The following ZSWIM2 variants were observed in gnomAD, a reference collection of about 807,000 sequenced individuals.
ZSWIM2 encodes the protein zinc finger SWIM-type containing 2, also known as E3 ubiquitin-protein ligase ZSWIM2.
ZSWIM2 carries 38 observed loss-of-function variants against 48.4 expected under a neutral mutation model. The observed-to-expected ratio is 0.79, with a 90% CI of 0.61 to 1.03. The LOEUF (loss-of-function observed/expected upper bound fraction) is 1.03. Ranked by LOEUF, ZSWIM2 falls within the 50% of genes least tolerant of loss-of-function variation. ZSWIM2 has a pLI of 0.00. For synonymous variants in ZSWIM2, 240 were observed against 251.3 expected (o/e 0.96, Z 0.42); for missense variants, 776 against 730.2 (o/e 1.06, Z -0.72).
Position 186,839,041 on chromosome 2 carries a change from G to A in ZSWIM2, c.412C>T (p.Gln138Ter). 1.2e-6 allele frequency: 2 copies of A among 1,611,624 alleles called. No homozygotes were observed. The highest frequency in any genetic ancestry group is 1.7e-6 in the Non-Finnish European group (2 of 1,178,310). ...EHVEEDGYIK[Q>*]KEIDSEDICS... ...ATATCCTCTGAATCAATTTCCTTCT[G>A]TTTAATGTACCCATCTTCTTCAACA... The change falls in exon 4 of 9, where the codon CAG (glutamine) becomes TAG (stop). Residue 138 changes from glutamine to a stop codon, truncating the protein, a stop_gained. Coordinates refer to ENST00000295131, the MANE Select transcript of ZSWIM2 (RefSeq NM_182521.3). LOFTEE classifies it high-confidence loss of function.
At chr2:186,844,571 A>T in intron 3 of ZSWIM2, 146 bp downstream of exon 3, 1 of 752,634 alleles carries the variant, frequency 1.3e-6, no homozygotes, top group Non-Finnish European at 2.0e-6. Context: ...TCTTAAGTTT[A>T]AGAAGCTGAG....
At chr2:186,828,861 C>A in intron 8 of ZSWIM2, 71 bp from the exon 9 acceptor site, 1 of 910,870 alleles carries the variant, frequency 1.1e-6, no homozygotes, top group South Asian at 4.7e-5. Flanking sequence ...TAAATTTCCC[C>A]CAGTTTCATA....
chr2:186,848,992 C>T lies in ZSWIM2; in HGVS notation c.139G>A (p.Glu47Lys), dbSNP rs1422325092. 5 of 1,613,998 alleles carry T rather than the reference C, an allele frequency of 3.1e-6. No individual in the cohort carries two copies. Among genetic ancestry groups the T allele is most frequent in the Non-Finnish European group, 4.2e-6 (5 of 1,180,014 alleles). Reference sequence around the variant, plus strand: ...CGGAAATCCATGTATTCCGGCTCCTCCTCCCTCAGCAGGAAGCCAGTGGGG... The same window carrying T: ...CGGAAATCCATGTATTCCGGCTCCTTCTCCCTCAGCAGGAAGCCAGTGGGG... ...MGPTGFLLRE[E>K]EPEYMDFRVF... Residue 47 changes from glutamate (E) to lysine (K), a missense_variant, in exon 1 of 9, where the codon GAG becomes AAG. By Grantham distance (56) the Glu-to-Lys change is moderately conservative (BLOSUM62 1). Coordinates refer to ENST00000295131, the MANE Select transcript of ZSWIM2 (RefSeq NM_182521.3).
At chr2:186,834,165 A>G (rs916971164) in intron 5 of ZSWIM2, 135 bp from the exon 6 acceptor site, 1 of 623,550 alleles carries the variant, frequency 1.6e-6, no homozygotes, top group South Asian at 2.0e-5. Context: ...CACACTGTGT[A>G]TTAGTTTCCT....
rs1559110371 is a variant in ZSWIM2 at position 186,827,953 on chromosome 2, ACATT to A, written c.*27_*30del. 4.7e-6 allele frequency: 7 copies of A among 1,474,216 alleles called. No individual in the cohort carries two copies. The highest frequency in any genetic ancestry group is 6.4e-6 in the Non-Finnish European group (7 of 1,102,076). 91.3% of individuals were successfully genotyped at this position (1,474,216 alleles called of 1,614,324 possible). A position where few individuals can be genotyped will look rare whatever the true frequency, so the allele number is the denominator to read the frequency against. ...TATATAAAACATTTTTTTATATTCAACATTCAAATATTTTCAGATAGTAAACTTT... is the reference window on the plus strand; with the variant it reads ...TATATAAAACATTTTTTTATATTCAACAAATATTTTCAGATAGTAAACTTT... On this transcript the variant is annotated 3_prime_UTR_variant, in exon 9 of 9. Coordinates refer to ENST00000295131, the MANE Select transcript of ZSWIM2 (RefSeq NM_182521.3).
In ZSWIM2 at chr2:186,833,935, G is replaced by A; in HGVS notation, c.828+11C>T. On this transcript the variant is annotated intron_variant, in intron 6 of 8. Transcript: ENST00000295131. ...AGAAACACTGTATTAGATTCAAGATGGATACTGTACCTCACGAAATGTAAA... is the reference window on the plus strand; with the variant it reads ...AGAAACACTGTATTAGATTCAAGATAGATACTGTACCTCACGAAATGTAAA... 1 of 1,603,890 alleles carries A rather than the reference G, an allele frequency of 6.2e-7. No individual in the cohort carries two copies. Among genetic ancestry groups the A allele is most frequent in the Non-Finnish European group, 8.5e-7 (1 of 1,171,670 alleles).
Position 186,839,141 on chromosome 2 carries a change from T to G in ZSWIM2, c.312A>C (p.Arg104Ser). The change falls in exon 4 of 9, where the codon AGA becomes AGC. Residue 104 changes from arginine (R) to serine (S), a missense_variant. Coordinates refer to ENST00000295131, the MANE Select transcript of ZSWIM2 (RefSeq NM_182521.3). Reference sequence around the variant, plus strand: ...TCCCCCGAAGCAAGTCACTTATCTCTCTTTCTCCAAGACCCAGTTGTAAAG... The same window carrying G: ...TCCCCCGAAGCAAGTCACTTATCTCGCTTTCTCCAAGACCCAGTTGTAAAG... ...ESALQLGLGE[R>S]EISDLLRGIH... The G allele has an allele frequency of 6.2e-7, 1 of 1,611,530 alleles. No individual in the cohort carries two copies. Among genetic ancestry groups the G allele is most frequent in the Non-Finnish European group, 8.5e-7 (1 of 1,178,158 alleles).
At chr2:186,840,668 C>T (rs1447169993) in intron 3 of ZSWIM2, among the ~76,000 whole-genome samples, 2 of 151,198 alleles carry the variant, frequency 1.3e-5, no homozygotes, top group Non-Finnish European at 3.0e-5. Context: ...CACACTGGTG[C>T]TATTATATAA....
intron 4 of ZSWIM2, among the ~76,000 whole-genome samples, chr2:186,838,346 GTA>G (rs1691836249): frequency 6.8e-6 from 1 of 146,312 alleles, no homozygotes; most frequent in African/African-American, 2.5e-5. Flanking sequence ...GCATTAATGA[GTA>G]AAAAAAAAAA....
At chr2:186,834,937 C>T (rs6711860) in intron 5 of ZSWIM2, among the ~76,000 whole-genome samples, 23,428 of 152,018 alleles carry the variant, frequency 0.15, 2,372 homozygotes, top group African/African-American at 0.3. Flanking sequence ...AAGTTCTGGG[C>T]GTAAGGATGT....
chr2:186,846,441 A>G (rs1692003958), intron 2 of ZSWIM2, among the ~76,000 whole-genome samples: 1 of 152,116 alleles, frequency 6.6e-6, no homozygotes, highest in African/African-American at 2.4e-5. Context: ...ATATCATCTT[A>G]TACATGTCAT....
chr2:186,832,009 C>A (rs13404398), intron 7 of ZSWIM2, among the ~76,000 whole-genome samples: 27,721 of 151,966 alleles, frequency 0.18, 3,845 homozygotes, highest in African/African-American at 0.4. Context: ...ATGTACCCTA[C>A]AACTTAAAGT....
At chr2:186,839,377 AT>A (rs1462575481) in intron 3 of ZSWIM2, among the ~76,000 whole-genome samples, 2 of 151,588 alleles carry the variant, frequency 1.3e-5, no homozygotes, top group Non-Finnish European at 3.0e-5. Context: ...AAAAATTATT[AT>A]TTTTTCTTGT....
intron 2 of ZSWIM2, among the ~76,000 whole-genome samples, chr2:186,847,153 AC>A (rs1437455017): frequency 1.3e-5 from 2 of 152,026 alleles, no homozygotes; most frequent in African/African-American, 4.8e-5. Flanking sequence ...AGAAACCTGA[AC>A]TTTTTATAAA....
chr2:186,833,308 G>T, intron 6 of ZSWIM2, 76 bp from the exon 7 acceptor site: 1 of 673,822 alleles, frequency 1.5e-6, no homozygotes, highest in Non-Finnish European at 2.5e-6. Flanking sequence ...TTAGTTGGTT[G>T]CGTATCAATA....
At chr2:186,837,663 G>GCTAC (rs1691822559) in intron 4 of ZSWIM2, 109 bp from the exon 5 acceptor site, 1 of 378,444 alleles carries the variant, frequency 2.6e-6, no homozygotes, top group Non-Finnish European at 3.7e-6. Flanking sequence ...AATTTCCTGT[G>GCTAC]CTACCATCTT....
In ZSWIM2 at chr2:186,829,709, A is replaced by C; in HGVS notation, c.1095+18T>G. On this transcript the variant is annotated intron_variant, in intron 8 of 8. Transcript: ENST00000295131. ...TGACCCTACAGGGAAAGTAAAACTA[A>C]AATGATGTGACTTTTACCTTGTGAG... The C allele has an allele frequency of 6.3e-7, 1 of 1,599,694 alleles. No homozygotes were observed. The highest frequency in any genetic ancestry group is 8.5e-7 in the Non-Finnish European group (1 of 1,175,528).
chr2:186,831,787 A>G (rs963297026), intron 7 of ZSWIM2, among the ~76,000 whole-genome samples: 1 of 151,976 alleles, frequency 6.6e-6, no homozygotes, highest in African/African-American at 2.4e-5. Context: ...AAAAAACCAA[A>G]CACCGCATGT....
intron 5 of ZSWIM2, among the ~76,000 whole-genome samples, chr2:186,836,183 T>A (rs1051939482): frequency 6.6e-6 from 1 of 152,064 alleles, no homozygotes; most frequent in African/African-American, 2.4e-5. Flanking sequence ...ACATGTGACC[T>A]TATCCCCTCC....
Sources: allele counts gnomAD v4.1 joint callset (sites outside exome capture counted in the v4.1 genomes callset), GRCh38; gene constraint gnomAD v4.1.1; transcripts MANE v1.5; gene names NCBI Gene and HGNC (gene_info 2026-07-23, HGNC 2026-07-21).